The following PTPRD variants were observed in gnomAD, a reference collection of about 807,000 sequenced individuals.
PTPRD encodes protein tyrosine phosphatase receptor type D, also known as receptor-type tyrosine-protein phosphatase delta.
Under a neutral mutation model 214.5 loss-of-function variants are expected in PTPRD, and 34 were observed. The ratio of observed to expected loss-of-function variants is 0.16; its 90% confidence interval spans 0.12 to 0.21. The LOEUF (loss-of-function observed/expected upper bound fraction) is 0.21, where lower values mean the gene tolerates loss of function less well. PTPRD is among the 10% of genes least tolerant of loss of function. The probability of loss-of-function intolerance (pLI) is 1.00; values close to 1 mark genes in which losing one functional copy is unlikely to be tolerated. For synonymous variants in PTPRD, 1,128 were observed against 845.7 expected (o/e 1.33, Z -5.79); for missense variants, 2,545 against 2,398.7 (o/e 1.06, Z -1.27).
chr9:9,007,241 A>G lies in PTPRD; in HGVS notation c.-104+11456T>C, dbSNP rs564423465. On this transcript the variant is annotated intron_variant, in intron 11 of 45. Coordinates refer to ENST00000381196, the MANE Select transcript of PTPRD (RefSeq NM_002839.4). ...AGGAAAATATAAAAATTTAATTTCGATAGACTTCTTCACTCTACCCTTCAA... is the reference window on the plus strand; with the variant it reads ...AGGAAAATATAAAAATTTAATTTCGGTAGACTTCTTCACTCTACCCTTCAA... Among the ~76,000 whole-genome samples the G allele has an allele frequency of 2.0e-5, 3 of 151,416 alleles. No homozygotes were observed. The Admixed American group carries it at 2.0e-4, about 10-fold the overall frequency.
intron 9 of PTPRD, among the ~76,000 whole-genome samples, chr9:9,241,112 C>T (rs554119962): frequency 8.5e-5 from 13 of 152,086 alleles, no homozygotes; most frequent in African/African-American, 1.9e-4. Context: ...AGAATTAATT[C>T]GTGGGTCTAA....
At chr9:9,833,422 T>G (rs1018855385) in intron 5 of PTPRD, among the ~76,000 whole-genome samples, 1 of 151,582 alleles carries the variant, frequency 6.6e-6, no homozygotes. Context: ...AACAGGGTAA[T>G]AGAATATCAC....
intron 11 of PTPRD, among the ~76,000 whole-genome samples, chr9:8,994,122 T>C (rs1208304844): frequency 6.6e-6 from 1 of 152,114 alleles, no homozygotes; most frequent in Non-Finnish European, 1.5e-5. Context: ...GAGAGGGAGT[T>C]CAATGAACTT....
At chr9:9,900,750 C>A (rs943045756) in intron 5 of PTPRD, among the ~76,000 whole-genome samples, 1 of 151,716 alleles carries the variant, frequency 6.6e-6, no homozygotes, top group Non-Finnish European at 1.5e-5. Context: ...GATTCTCCTG[C>A]CTCAGCCTCC....
At chr9:9,245,365 A>C (rs901434168) in intron 9 of PTPRD, among the ~76,000 whole-genome samples, 2 of 152,196 alleles carry the variant, frequency 1.3e-5, no homozygotes, top group African/African-American at 4.8e-5. Flanking sequence ...ACTTGGAACC[A>C]ACCCAAATTT....
At chr9:10,167,985 C>T (rs2099169915) in intron 3 of PTPRD, among the ~76,000 whole-genome samples, 1 of 152,142 alleles carries the variant, frequency 6.6e-6, no homozygotes, top group Non-Finnish European at 1.5e-5. Flanking sequence ...ATGGACAGAG[C>T]TCATTGTACC....
At chr9:8,411,247 G>A (rs1271961056) in intron 35 of PTPRD, among the ~76,000 whole-genome samples, 2 of 151,850 alleles carry the variant, frequency 1.3e-5, no homozygotes, top group African/African-American at 4.8e-5. Flanking sequence ...TAAGATTAAA[G>A]ATTTAAATAA....
chr9:10,503,213 A>AAAAAC lies in PTPRD; in HGVS notation c.-600+109180_-600+109184dup, dbSNP rs1555437453. Reference sequence around the variant, plus strand: ...CAATACAAAAAAAAAAAAAACAAAAAAAAACACCATTTTTTTCCCAGAAAA... The same window carrying AAAAAC: ...CAATACAAAAAAAAAAAAAACAAAAAAAAACAAAACACCATTTTTTTCCCAGAAAA... On this transcript the variant is annotated intron_variant, in intron 2 of 45. Transcript: ENST00000381196. 4.7e-4 allele frequency among the ~76,000 whole-genome samples: 70 copies of AAAAAC among 149,578 alleles called. 1 individual carries two copies. Among genetic ancestry groups the AAAAAC allele is most frequent in the African/African-American group, 1.7e-3 (68 of 40,412 alleles).
intron 5 of PTPRD, among the ~76,000 whole-genome samples, chr9:9,778,498 T>C (rs1597531664): frequency 6.6e-6 from 1 of 152,116 alleles, no homozygotes; most frequent in African/African-American, 2.4e-5. Flanking sequence ...CCCGGAGGCA[T>C]TGTTCTCAGC....
At chr9:8,889,268 G>A (rs2098517152) in intron 11 of PTPRD, among the ~76,000 whole-genome samples, 1 of 152,094 alleles carries the variant, frequency 6.6e-6, no homozygotes, top group South Asian at 2.1e-4. Context: ...GAAAGAGAAT[G>A]AGAGAGAGTA....
At chr9:9,692,920 A>G (rs375080832) in intron 7 of PTPRD, among the ~76,000 whole-genome samples, 2 of 151,668 alleles carry the variant, frequency 1.3e-5, no homozygotes, top group East Asian at 1.9e-4. Flanking sequence ...TTTCTTTTTC[A>G]TATTGTTCAC....
chr9:8,662,848 T>C (rs925772805), intron 12 of PTPRD, among the ~76,000 whole-genome samples: 3 of 152,202 alleles, frequency 2.0e-5, no homozygotes, highest in African/African-American at 7.2e-5. Context: ...GGCACACACA[T>C]TTACCTTTTT....
intron 5 of PTPRD, among the ~76,000 whole-genome samples, chr9:9,794,189 A>ATGTGTG (rs535365083): frequency 1.4e-5 from 2 of 146,348 alleles, no homozygotes; most frequent in African/African-American, 5.2e-5. Context: ...ATATATACAT[A>ATGTGTG]TGTGTGTGTG....
chr9:10,515,907 G>T (rs1286776662), intron 2 of PTPRD, among the ~76,000 whole-genome samples: 1 of 151,842 alleles, frequency 6.6e-6, no homozygotes, highest in Non-Finnish European at 1.5e-5. Flanking sequence ...ACATATGGCA[G>T]AATTTTCTTT....
At chr9:9,624,385 T>G (rs1238226143) in intron 7 of PTPRD, among the ~76,000 whole-genome samples, 5 of 152,088 alleles carry the variant, frequency 3.3e-5, no homozygotes, top group East Asian at 3.9e-4. Flanking sequence ...TGGGTTCAAG[T>G]GATTCTCCTG....
At chr9:9,821,856 A>T (rs1333861872) in intron 5 of PTPRD, among the ~76,000 whole-genome samples, 6 of 151,156 alleles carry the variant, frequency 4.0e-5, no homozygotes, top group Non-Finnish European at 8.9e-5. Flanking sequence ...AATAAAGGAC[A>T]TGCATGTGCA....
intron 2 of PTPRD, among the ~76,000 whole-genome samples, chr9:10,551,379 C>T (rs1293391466): frequency 2.0e-5 from 3 of 152,008 alleles, no homozygotes; most frequent in African/African-American, 7.2e-5. Flanking sequence ...TATTTACCAC[C>T]GTGATTCATG....
intron 10 of PTPRD, among the ~76,000 whole-genome samples, chr9:9,170,273 A>G (rs906764466): frequency 2.6e-5 from 4 of 152,200 alleles, no homozygotes; most frequent in Admixed American, 2.0e-4. Context: ...AATGTTCATT[A>G]GAGTTCTTGT....
intron 11 of PTPRD, among the ~76,000 whole-genome samples, chr9:8,825,399 T>C (rs1347041453): frequency 3.9e-5 from 6 of 152,204 alleles, no homozygotes; most frequent in African/African-American, 1.4e-4. Flanking sequence ...TGTAAATAAC[T>C]ATATTGTCAT....
Sources: gnomAD v4.1 joint callset for allele counts (sites outside exome capture counted in the v4.1 genomes callset) on GRCh38, gnomAD v4.1.1 for gene constraint, MANE v1.5 for transcripts, NCBI Gene and HGNC (gene_info 2026-07-23, HGNC 2026-07-21) for gene names.